The following SORBS2 variants were observed in gnomAD, a reference collection of about 807,000 sequenced individuals.
The protein encoded by SORBS2 is sorbin and SH3 domain-containing protein 2.
Under a neutral mutation model 97.7 loss-of-function variants are expected in SORBS2, and 46 were observed. The observed-to-expected ratio is 0.47, with a 90% CI of 0.37 to 0.60. The LOEUF is 0.60. SORBS2 is among the 20% of genes least tolerant of loss of function. The pLI, the probability that SORBS2 is intolerant of heterozygous loss-of-function variation, is 0.00. For missense variants in SORBS2, 1,316 were observed against 1,282.3 expected (o/e 1.03, Z -0.40); for synonymous variants, 476 against 473.4 (o/e 1.01, Z -0.07).
intron 1 of SORBS2, among the ~76,000 whole-genome samples, chr4:185,936,361 C>T (rs1010747750): frequency 6.6e-6 from 1 of 152,168 alleles, no homozygotes; most frequent in African/African-American, 2.4e-5. Flanking sequence ...GGGCAGTATC[C>T]TCAGTTCCAA....
At chr4:185,862,990 C>T (rs1316745801) in intron 1 of SORBS2, among the ~76,000 whole-genome samples, 6 of 152,200 alleles carry the variant, frequency 3.9e-5, no homozygotes. Context: ...ACCTCTATGC[C>T]CCCTCATCCC....
chr4:185,714,773 G>A (rs1354382607), intron 2 of SORBS2, among the ~76,000 whole-genome samples: 2 of 151,878 alleles, frequency 1.3e-5, no homozygotes, highest in African/African-American at 2.4e-5. Flanking sequence ...TCACTACCAC[G>A]AGAACAGCTT....
chr4:185,650,037 T>C (rs1249978327), intron 2 of SORBS2, among the ~76,000 whole-genome samples: 1 of 152,220 alleles, frequency 6.6e-6, no homozygotes, highest in Non-Finnish European at 1.5e-5. Flanking sequence ...CGGAACTGTT[T>C]CCAAATATCT....
At chr4:185,587,621 C>G in exon 15 of SORBS2, 1 of 1,612,460 alleles carries the variant, frequency 6.2e-7, no homozygotes, top group Non-Finnish European at 8.5e-7. Context: ...AAGGAGGGAG[C>G]GCAATTCACA....
intron 1 of SORBS2, among the ~76,000 whole-genome samples, chr4:185,911,245 C>G (rs73021815): frequency 1.1e-3 from 162 of 152,012 alleles, no homozygotes; most frequent in African/African-American, 3.8e-3. Flanking sequence ...CTTTTCTTTT[C>G]GAGACAGAGT....
At chr4:185,671,333 A>C (rs1363544298) in intron 4 of SORBS2, among the ~76,000 whole-genome samples, 1 of 152,222 alleles carries the variant, frequency 6.6e-6, no homozygotes. Flanking sequence ...AAAGTGTCAT[A>C]TTTTAAGAAC....
At chr4:185,611,031 C>G (rs1470932506) in intron 12 of SORBS2, among the ~76,000 whole-genome samples, 1 of 152,030 alleles carries the variant, frequency 6.6e-6, no homozygotes, top group East Asian at 1.9e-4. Context: ...ATTAAAGAAG[C>G]AAAGCCTCTT....
chr4:185,788,515 A>G (rs928595833), intron 1 of SORBS2, among the ~76,000 whole-genome samples: 2 of 152,228 alleles, frequency 1.3e-5, no homozygotes, highest in African/African-American at 4.8e-5. Flanking sequence ...TAGAAAAATG[A>G]CTTCAGAAAT....
chr4:185,649,312 C>G (rs2097269613), intron 3 of SORBS2, among the ~76,000 whole-genome samples, 155 bp downstream of exon 12: 1 of 152,182 alleles, frequency 6.6e-6, no homozygotes, highest in African/African-American at 2.4e-5. Context: ...TTGCTACAAT[C>G]CCAGCAGAGG....
At chr4:185,877,689 A>G (rs904783639) in intron 1 of SORBS2, among the ~76,000 whole-genome samples, 22 of 151,904 alleles carry the variant, frequency 1.4e-4, no homozygotes, top group Non-Finnish European at 4.4e-5. Flanking sequence ...CAACATGGTG[A>G]CACCCCGTCT....
intron 1 of SORBS2, among the ~76,000 whole-genome samples, chr4:185,881,405 G>A (rs2099236815): frequency 6.6e-6 from 1 of 152,134 alleles, no homozygotes; most frequent in African/African-American, 2.4e-5. Flanking sequence ...AACAGAAAGT[G>A]CTCCAGGAAA....
At chr4:185,919,397 T>C (rs1435498524) in intron 1 of SORBS2, 3 of 152,208 alleles carry the variant, frequency 2.0e-5, no homozygotes, top group Non-Finnish European at 4.4e-5. Context: ...TGAACATAGA[T>C]TCAAGTCTCC....
At chr4:185,825,281 A>AT (rs111231716) in intron 1 of SORBS2, among the ~76,000 whole-genome samples, 95,838 of 151,604 alleles carry the variant, frequency 0.63, 30,835 homozygotes, top group Non-Finnish European at 0.68. Flanking sequence ...AATGTAATTT[A>AT]TTAGCAGATT....
intron 2 of SORBS2, among the ~76,000 whole-genome samples, chr4:185,704,457 C>T (rs146275759): frequency 0.012 from 1,758 of 151,732 alleles, 27 homozygotes; most frequent in African/African-American, 0.027. Flanking sequence ...CAGCTGGGAT[C>T]GCAGGCATGC....
chr4:185,766,471 A>C (rs2098934653), intron 2 of SORBS2, among the ~76,000 whole-genome samples: 1 of 151,952 alleles, frequency 6.6e-6, no homozygotes, highest in African/African-American at 2.4e-5. Context: ...CTGTAGATCT[A>C]CAGATCAAAG....
At chr4:185,759,947 A>G (rs1183368822) in intron 2 of SORBS2, among the ~76,000 whole-genome samples, 1 of 152,226 alleles carries the variant, frequency 6.6e-6, no homozygotes, top group African/African-American at 2.4e-5. Flanking sequence ...CTTCTATAAA[A>G]TACTCTATGC....
At chr4:185,593,142 G>A in intron 13 of SORBS2, 1 of 152,460 alleles carries the variant, frequency 6.6e-6, no homozygotes, top group East Asian at 1.9e-4. Context: ...GGGGACAAGG[G>A]GTTAGGTCCA....
intron 1 of SORBS2, among the ~76,000 whole-genome samples, chr4:185,792,313 G>A (rs1430191178): frequency 1.3e-5 from 2 of 152,146 alleles, no homozygotes; most frequent in African/African-American, 4.8e-5. Context: ...GGCCAATATG[G>A]TGAAACCCCG....
chr4:185,857,487 G>T (rs1206727406), intron 1 of SORBS2, among the ~76,000 whole-genome samples: 3 of 152,154 alleles, frequency 2.0e-5, no homozygotes, highest in Non-Finnish European at 4.4e-5. Flanking sequence ...TGTAAAACAT[G>T]GGTGTTTGAA....
Sources: allele counts gnomAD v4.1 joint callset (sites outside exome capture counted in the v4.1 genomes callset), GRCh38; gene constraint gnomAD v4.1.1; transcripts MANE v1.5; gene names NCBI Gene and HGNC (gene_info 2026-07-23, HGNC 2026-07-21).